The following PPIG variants were observed in gnomAD, a reference collection of about 807,000 sequenced individuals.
The protein encoded by PPIG is peptidyl-prolyl cis-trans isomerase G.
A neutral mutation model predicts 87.9 loss-of-function variants in PPIG; 26 were observed. The observed-to-expected ratio is 0.30, with a 90% CI of 0.22 to 0.41. The LOEUF is 0.41. Among genes scored for constraint, PPIG ranks in the 10% least tolerant of loss-of-function variants. PPIG has a pLI of 1.00. For synonymous variants in PPIG, 308 were observed against 276.5 expected (o/e 1.11, Z -1.13); for missense variants, 722 against 879.4 (o/e 0.82, Z 2.26).
intron 9 of PPIG, among the ~76,000 whole-genome samples, chr2:169,621,464 C>T (rs1685749024): frequency 6.6e-6 from 1 of 152,028 alleles, no homozygotes; most frequent in Non-Finnish European, 1.5e-5. Flanking sequence ...TTACAAACAA[C>T]AGGTGTAATG....
At chr2:169,591,462 T>C (rs2105472033) in intron 1 of PPIG, among the ~76,000 whole-genome samples, 1 of 152,304 alleles carries the variant, frequency 6.6e-6, no homozygotes, top group East Asian at 1.9e-4. Flanking sequence ...AATAAAAGTA[T>C]TAAAAGCTAT....
intron 1 of PPIG, among the ~76,000 whole-genome samples, chr2:169,601,484 A>G (rs13422340): frequency 0.19 from 28,567 of 152,140 alleles, 3,124 homozygotes; most frequent in African/African-American, 0.3. Context: ...AAGAGGATGT[A>G]AAGTGTTAGG....
chr2:169,596,982 G>A (rs562346335), intron 1 of PPIG, among the ~76,000 whole-genome samples: 42 of 152,156 alleles, frequency 2.8e-4, no homozygotes, highest in Non-Finnish European at 4.7e-4. Flanking sequence ...GATTACAGGC[G>A]GGAGCCACCA....
At chr2:169,619,090 A>G (rs1302271103) in intron 9 of PPIG, among the ~76,000 whole-genome samples, 2 of 152,054 alleles carry the variant, frequency 1.3e-5, no homozygotes, top group African/African-American at 4.8e-5. Context: ...CTTTGTTCTC[A>G]TTGGTTTCAA....
intron 11 of PPIG, 44 bp downstream of exon 11, chr2:169,631,977 ACTTTT>A (rs1466540216): frequency 7.0e-7 from 1 of 1,428,276 alleles, no homozygotes; most frequent in Non-Finnish European, 9.3e-7. Context: ...TTACCATAGA[ACTTTT>A]CTTTTTAAAA....
intron 7 of PPIG, among the ~76,000 whole-genome samples, chr2:169,611,359 T>A (rs866384788): frequency 1.3e-5 from 2 of 152,224 alleles, no homozygotes; most frequent in South Asian, 2.1e-4. Context: ...AACTTTTGGC[T>A]ATAATATAAA....
chr2:169,587,312 G>C (rs1295832917), intron 1 of PPIG, among the ~76,000 whole-genome samples: 1 of 151,858 alleles, frequency 6.6e-6, no homozygotes, highest in African/African-American at 2.4e-5. Flanking sequence ...CGTGATCTCG[G>C]CTCACTGCAA....
intron 9 of PPIG, among the ~76,000 whole-genome samples, chr2:169,627,725 T>TTTTTTTA (rs1491338209): frequency 0.024 from 3,450 of 142,506 alleles, 45 homozygotes; most frequent in East Asian, 0.074. Context: ...TTTTTTTTTT[T>TTTTTTTA]AATTTCAAAC....
intron 9 of PPIG, among the ~76,000 whole-genome samples, chr2:169,621,971 C>T (rs921494879): frequency 7.9e-5 from 12 of 151,358 alleles, no homozygotes; most frequent in African/African-American, 2.9e-4. Context: ...TGTGTAGTCC[C>T]TGCTACTTGG....
chr2:169,601,718 A>G (rs1685189574), intron 1 of PPIG, among the ~76,000 whole-genome samples: 1 of 152,180 alleles, frequency 6.6e-6, no homozygotes, highest in Admixed American at 6.5e-5. Flanking sequence ...AAAATATTAG[A>G]AGATGTTAGG....
intron 12 of PPIG, among the ~76,000 whole-genome samples, 155 bp from the exon 13 acceptor site, chr2:169,635,937 T>G (rs1290547993): frequency 6.6e-6 from 1 of 152,206 alleles, no homozygotes; most frequent in Non-Finnish European, 1.5e-5. Flanking sequence ...AACATATACT[T>G]TTAAGCTACT....
At chr2:169,616,453 C>T (rs10803836) in intron 9 of PPIG, among the ~76,000 whole-genome samples, 90,659 of 151,942 alleles carry the variant, frequency 0.6, 27,677 homozygotes, top group African/African-American at 0.73. Context: ...AACTAATTTA[C>T]ACTCCCACCA....
intron 9 of PPIG, among the ~76,000 whole-genome samples, chr2:169,622,298 C>T (rs757351835): frequency 4.6e-5 from 7 of 152,166 alleles, no homozygotes; most frequent in Non-Finnish European, 8.8e-5. Flanking sequence ...AAACCATAAA[C>T]AGTAATCATA....
At chr2:169,597,925 C>T (rs1685066859) in intron 1 of PPIG, among the ~76,000 whole-genome samples, 2 of 151,618 alleles carry the variant, frequency 1.3e-5, no homozygotes, top group Admixed American at 1.3e-4. Flanking sequence ...CTATGTTTCC[C>T]AGCCTGGTGT....
chr2:169,610,798 T>G (rs1360636526), intron 7 of PPIG, among the ~76,000 whole-genome samples: 6 of 152,238 alleles, frequency 3.9e-5, no homozygotes, highest in Admixed American at 1.3e-4. Context: ...CATAACAGTT[T>G]ATAGAGATCA....
At chr2:169,632,059 T>C in intron 11 of PPIG, 126 bp downstream of exon 11, 4 of 1,245,434 alleles carry the variant, frequency 3.2e-6, no homozygotes, top group Non-Finnish European at 4.2e-6. Flanking sequence ...TTTTATAAAA[T>C]GTTCTTCCGC....
At chr2:169,610,054 T>G (rs977210402) in intron 7 of PPIG, among the ~76,000 whole-genome samples, 2 of 152,246 alleles carry the variant, frequency 1.3e-5, no homozygotes, top group African/African-American at 2.4e-5. Context: ...TGCCTGTTTT[T>G]AAAATCCTAT....
chr2:169,584,698 G>A, intron 1 of PPIG: 1 of 335,406 alleles, frequency 3.0e-6, no homozygotes, highest in Non-Finnish European at 5.7e-6. Flanking sequence ...TGCAGAAGGA[G>A]AAGGCTTGCA....
At chr2:169,605,158 A>ACCTC (rs1350670525) in intron 4 of PPIG, among the ~76,000 whole-genome samples, 2 of 152,094 alleles carry the variant, frequency 1.3e-5, no homozygotes, top group South Asian at 4.1e-4. Flanking sequence ...ACATAGTGAA[A>ACCTC]CCTCATCTCT....
Sources: allele counts gnomAD v4.1 joint callset (sites outside exome capture counted in the v4.1 genomes callset), GRCh38; gene constraint gnomAD v4.1.1; transcripts MANE v1.5; gene names NCBI Gene and HGNC (gene_info 2026-07-23, HGNC 2026-07-21).